The following LRRTM3 variants were observed in gnomAD, a reference collection of about 807,000 sequenced individuals.
LRRTM3 encodes the protein leucine-rich repeat transmembrane neuronal protein 3.
In LRRTM3, 24 loss-of-function variants were observed where a neutral mutation model predicts 44.7. That is an observed-to-expected ratio of 0.54 (90% confidence interval 0.39 to 0.76). The LOEUF (loss-of-function observed/expected upper bound fraction) is 0.76. LRRTM3 is among the 30% of genes least tolerant of loss of function. The pLI, the probability that LRRTM3 is intolerant of heterozygous loss-of-function variation, is 0.00. For missense variants in LRRTM3, 587 were observed against 702.2 expected, an observed-to-expected ratio of 0.84 and a Z score of 1.85; for synonymous variants, 277 against 278.7, an observed-to-expected ratio of 0.99 and a Z score of 0.06.
At chr10:66,983,452 A>G (rs941093588) in intron 2 of LRRTM3, among the ~76,000 whole-genome samples, 1 of 152,134 alleles carries the variant, frequency 6.6e-6, no homozygotes, top group African/African-American at 2.4e-5. Flanking sequence ...GGAAAAGAAC[A>G]AGAAACCCAC....
rs116717689 is a variant in LRRTM3 at position 67,083,254 on chromosome 10, C to T, written c.1537-14333C>T. Among the ~76,000 whole-genome samples the T allele has an allele frequency of 9.1e-3, 1,387 of 152,184 alleles. 24 individuals carry two copies. Among genetic ancestry groups the T allele is most frequent in the African/African-American group, 0.032 (1,320 of 41,536 alleles). Reference sequence around the variant, plus strand: ...AGTGTCTAAAGTGCAGGCTTAGCACCATAACACAAATATAAGCCAAATAGC... The same window carrying T: ...AGTGTCTAAAGTGCAGGCTTAGCACTATAACACAAATATAAGCCAAATAGC... On this transcript the variant is annotated intron_variant, in intron 2 of 2. Coordinates refer to ENST00000361320, the MANE Select transcript of LRRTM3 (RefSeq NM_178011.5).
intron 2 of LRRTM3, among the ~76,000 whole-genome samples, chr10:67,028,686 CTTAATAT>C (rs1373235608): frequency 6.6e-6 from 1 of 150,752 alleles, no homozygotes; most frequent in Non-Finnish European, 1.5e-5. Flanking sequence ...TTTATTTTCC[CTTAATAT>C]TTAGCAAACT....
intron 2 of LRRTM3, among the ~76,000 whole-genome samples, chr10:66,954,812 G>A (rs1271642032): frequency 6.6e-6 from 1 of 152,056 alleles, no homozygotes; most frequent in Non-Finnish European, 1.5e-5. Flanking sequence ...CCCACAAAAG[G>A]CTGATTATTA....
chr10:66,949,672 G>A lies in LRRTM3; in HGVS notation c.1536+21220G>A, dbSNP rs564548086. On this transcript the variant is annotated intron_variant, in intron 2 of 2. Transcript: ENST00000361320. ...TTAAACATGATTGGAGTACCACTAC[G>A]TATGTTTCAAATGCTTATAGTATGT... Among the ~76,000 whole-genome samples, 7 of 152,144 alleles carry A rather than the reference G, an allele frequency of 4.6e-5. 1 individual carries two copies. Among genetic ancestry groups the A allele is most frequent in the African/African-American group, 1.4e-4 (6 of 41,520 alleles).
chr10:66,971,840 C>T (rs990070511), intron 2 of LRRTM3, among the ~76,000 whole-genome samples: 1 of 151,892 alleles, frequency 6.6e-6, no homozygotes, highest in African/African-American at 2.4e-5. Context: ...AGGTTCTTCT[C>T]TTTAATATTT....
intron 2 of LRRTM3, among the ~76,000 whole-genome samples, chr10:67,033,526 C>A (rs554738891): frequency 6.6e-6 from 1 of 152,226 alleles, no homozygotes; most frequent in African/African-American, 2.4e-5. Context: ...AAGTTGAGTG[C>A]AGTAGACATA....
intron 2 of LRRTM3, among the ~76,000 whole-genome samples, chr10:67,086,945 A>G (rs1400807617): frequency 6.6e-6 from 1 of 152,042 alleles, no homozygotes; most frequent in Non-Finnish European, 1.5e-5. Context: ...ACAATTTCCA[A>G]GGGGATTAAA....
intron 2 of LRRTM3, among the ~76,000 whole-genome samples, chr10:66,939,605 T>C (rs1049364873): frequency 7.9e-5 from 12 of 152,226 alleles, no homozygotes; most frequent in African/African-American, 2.9e-4. Context: ...ATATTTTAAG[T>C]TGCATTTTAA....
chr10:67,068,534 A>G (rs1017658489), intron 2 of LRRTM3, among the ~76,000 whole-genome samples: 3 of 152,188 alleles, frequency 2.0e-5, no homozygotes, highest in Non-Finnish European at 4.4e-5. Context: ...AAAATCACAC[A>G]AAGAATTTTA....
intron 2 of LRRTM3, among the ~76,000 whole-genome samples, chr10:66,945,079 A>C (rs1848210387): frequency 6.6e-6 from 1 of 152,196 alleles, no homozygotes; most frequent in Non-Finnish European, 1.5e-5. Context: ...TAAAGTCAGC[A>C]GCTGCACTAG....
At chr10:66,948,924 A>G (rs1848404288) in intron 2 of LRRTM3, among the ~76,000 whole-genome samples, 1 of 152,186 alleles carries the variant, frequency 6.6e-6, no homozygotes, top group Admixed American at 6.5e-5. Context: ...TAGGCTTTGT[A>G]TTAATTTTGA....
At chr10:66,933,418 G>A (rs1387050924) in intron 2 of LRRTM3, among the ~76,000 whole-genome samples, 3 of 152,144 alleles carry the variant, frequency 2.0e-5, no homozygotes, top group African/African-American at 7.2e-5. Flanking sequence ...TATAGCAAGG[G>A]CTTTCAATCA....
In LRRTM3 at chr10:67,047,420, G is replaced by C. The variant is rs1455323478; in HGVS notation, c.1537-50167G>C. ...CAAGAGAGAACAATGAAAGGATAGT[G>C]CTAAGTGTGAAAGAAAAACATTAAG... On this transcript the variant is annotated intron_variant, in intron 2 of 2. Coordinates refer to ENST00000361320, the MANE Select transcript of LRRTM3 (RefSeq NM_178011.5). 3.3e-5 allele frequency among the ~76,000 whole-genome samples: 5 copies of C among 152,244 alleles called. No homozygotes were observed. In the East Asian group the frequency reaches 9.7e-4, roughly 29 times the overall value.
rs552695939 is a variant in LRRTM3 at position 67,043,310 on chromosome 10, A to G, written c.1537-54277A>G. The stretch of plus-strand genomic sequence containing the variant: ...ATCATTCATATATTCTCTGATCACT[A>G]GAGATTTATTCTCCTATGTTCTCTA... On this transcript the variant is annotated intron_variant, in intron 2 of 2. Transcript: ENST00000361320. Among the ~76,000 whole-genome samples the G allele has an allele frequency of 1.0e-3, 155 of 152,174 alleles. 3 individuals are homozygous for G. In the South Asian group the frequency reaches 0.028, roughly 27 times the overall value.
intron 2 of LRRTM3, among the ~76,000 whole-genome samples, chr10:66,929,085 G>A (rs1847230785): frequency 6.6e-6 from 1 of 152,160 alleles, no homozygotes; most frequent in Non-Finnish European, 1.5e-5. Flanking sequence ...AAGTGATGAA[G>A]GGTTAAAATA....
chr10:67,004,107 C>G (rs921000256), intron 2 of LRRTM3, among the ~76,000 whole-genome samples: 8 of 151,410 alleles, frequency 5.3e-5, no homozygotes, highest in African/African-American at 1.7e-4. Context: ...AAAAAGCCAC[C>G]TGCCAAGATC....
At chr10:67,005,329 G>T (rs1053673765) in intron 2 of LRRTM3, among the ~76,000 whole-genome samples, 3 of 152,104 alleles carry the variant, frequency 2.0e-5, no homozygotes, top group Non-Finnish European at 4.4e-5. Context: ...ATTGAAGGGA[G>T]AAAACACCTG....
chr10:67,088,890 T>A (rs1387150219), intron 2 of LRRTM3, among the ~76,000 whole-genome samples: 1 of 151,834 alleles, frequency 6.6e-6, no homozygotes, highest in Admixed American at 6.6e-5. Flanking sequence ...CTCAACTAAC[T>A]GCAAATTGAA....
intron 2 of LRRTM3, among the ~76,000 whole-genome samples, chr10:66,981,434 C>A (rs1850435909): frequency 1.3e-5 from 2 of 152,182 alleles, no homozygotes; most frequent in Admixed American, 6.5e-5. Context: ...TGCCACTGAC[C>A]ATATGACTTA....
Sources: allele counts gnomAD v4.1 joint callset (sites outside exome capture counted in the v4.1 genomes callset), GRCh38; gene constraint gnomAD v4.1.1; transcripts MANE v1.5; gene names NCBI Gene and HGNC (gene_info 2026-07-23, HGNC 2026-07-21).